Variants in KIRREL3 observed in about 807,000 individuals in gnomAD.
KIRREL3 encodes kin of IRRE-like protein 3.
In KIRREL3, 36 loss-of-function variants were observed where a neutral mutation model predicts 89.7. That is an observed-to-expected ratio of 0.40 (90% CI 0.31 to 0.53). The LOEUF is 0.53. KIRREL3 is among the 20% of genes least tolerant of loss of function. The pLI is 0.49. For missense variants in KIRREL3, 864 were observed against 1,056.6 expected (o/e 0.82, Z 2.53); for synonymous variants, 445 against 441.4 (o/e 1.01, Z -0.10).
chr11:126,648,302 G>A (rs1189439716), intron 1 of KIRREL3, among the ~76,000 whole-genome samples: 1 of 152,284 alleles, frequency 6.6e-6, no homozygotes, highest in African/African-American at 2.4e-5. Context: ...GAATGGATGA[G>A]TGCACTTGTG....
rs1030170230 is a variant in KIRREL3 at position 126,739,333 on chromosome 11, C to T, written c.56-176421G>A. On this transcript the variant is annotated intron_variant, in intron 1 of 16. Coordinates refer to ENST00000525144, the MANE Select transcript of KIRREL3 (RefSeq NM_032531.4). The surrounding 1 kb of genome is among the most constrained non-coding windows in gnomAD (Gnocchi z 5.5). ...TCTCTGCAAATTGCTTCATCCTCCT[C>T]TGCATAACACCCTTGTGTAGGAGGC... 1.3e-5 allele frequency among the ~76,000 whole-genome samples: 2 copies of T among 152,254 alleles called. No homozygotes were observed. The highest frequency in any genetic ancestry group is 4.8e-5 in the African/African-American group (2 of 41,466).
At chr11:126,842,319 C>T (rs1043253623) in intron 1 of KIRREL3, among the ~76,000 whole-genome samples, 1 of 152,154 alleles carries the variant, frequency 6.6e-6, no homozygotes, top group Non-Finnish European at 1.5e-5. Context: ...TCTATGAGCT[C>T]ATTTTAGAAT....
In KIRREL3 at chr11:126,676,815, C is replaced by T. The variant is rs1356736953; in HGVS notation, c.56-113903G>A. The stretch of plus-strand genomic sequence containing the variant: ...TTTTTTTCCTTTTGAGACAGAGTCT[C>T]CCTCTGCCATCTGGACTGGTATACA... On this transcript the variant is annotated intron_variant, in intron 1 of 16. Coordinates refer to ENST00000525144, the MANE Select transcript of KIRREL3 (RefSeq NM_032531.4). This position sits in a 1 kb window ranked among gnomAD's most constrained non-coding sequence, Gnocchi z 4.5. Among the ~76,000 whole-genome samples the T allele has an allele frequency of 6.6e-6, 1 of 151,726 alleles. No homozygotes were observed. The highest frequency in any genetic ancestry group is 2.4e-5 in the African/African-American group (1 of 41,262).
intron 1 of KIRREL3, among the ~76,000 whole-genome samples, chr11:126,816,451 G>T (rs1951576701): frequency 6.6e-6 from 1 of 152,144 alleles, no homozygotes. Context: ...CTGATGGCAG[G>T]TTTGATCTCT....
chr11:126,920,928 T>C (rs1263961014), intron 1 of KIRREL3, among the ~76,000 whole-genome samples: 1 of 152,226 alleles, frequency 6.6e-6, no homozygotes, highest in Non-Finnish European at 1.5e-5. Context: ...AGGTGTCAAC[T>C]TGACTGAATT....
chr11:126,896,824 T>C lies in KIRREL3; in HGVS notation c.55+103631A>G, dbSNP rs1946176998. On this transcript the variant is annotated intron_variant, in intron 1 of 16. Transcript: ENST00000525144. The surrounding 1 kb of genome is among the most constrained non-coding windows in gnomAD (Gnocchi z 4.1). Reference sequence around the variant, plus strand: ...TGCTCAGATCTTACCCAAGCGCGTGTTCTCCTCTTTCATAGCTTCCATTCT... The same window carrying C: ...TGCTCAGATCTTACCCAAGCGCGTGCTCTCCTCTTTCATAGCTTCCATTCT... Among the ~76,000 whole-genome samples, 1 of 152,134 alleles carries C rather than the reference T, an allele frequency of 6.6e-6. No homozygotes were observed. Among genetic ancestry groups the C allele is most frequent in the South Asian group, 2.1e-4 (1 of 4,822 alleles).
At chr11:126,599,673 C>A (rs112672591) in intron 1 of KIRREL3, among the ~76,000 whole-genome samples, 1 of 152,332 alleles carries the variant, frequency 6.6e-6, no homozygotes, top group Non-Finnish European at 1.5e-5. Flanking sequence ...TTGCTTACAG[C>A]TCTTGCATAT....
At chr11:126,919,610 G>T (rs1205282281) in intron 1 of KIRREL3, among the ~76,000 whole-genome samples, 3 of 152,208 alleles carry the variant, frequency 2.0e-5, no homozygotes, top group Non-Finnish European at 4.4e-5. Context: ...GGTTGCTTAA[G>T]CTGCAGTGGC....
intron 4 of KIRREL3, among the ~76,000 whole-genome samples, chr11:126,482,162 C>T (rs911921157): frequency 6.6e-6 from 1 of 152,220 alleles, no homozygotes; most frequent in Non-Finnish European, 1.5e-5. Context: ...CCTCAGCCTC[C>T]TGAGTAGCTG....
At chr11:126,871,319 G>A (rs1393187406) in intron 1 of KIRREL3, among the ~76,000 whole-genome samples, 2 of 152,150 alleles carry the variant, frequency 1.3e-5, no homozygotes, top group Non-Finnish European at 2.9e-5. Flanking sequence ...AATCAAGAAG[G>A]AGGCCCTCAG....
chr11:126,922,121 G>GTCTATCTATCTATCTATCTATCTA (rs60938174), intron 1 of KIRREL3, among the ~76,000 whole-genome samples: 1 of 139,964 alleles, frequency 7.1e-6, no homozygotes, highest in Non-Finnish European at 1.5e-5. Context: ...CTATCTGTCT[G>GTCTATCTATCTATCTATCTATCTA]TCTATCTATC....
chr11:126,600,320 C>A (rs1044355310), intron 1 of KIRREL3, among the ~76,000 whole-genome samples: 1 of 152,204 alleles, frequency 6.6e-6, no homozygotes, highest in East Asian at 1.9e-4. Flanking sequence ...TTGATTGCAG[C>A]CTTGGGAGAG....
chr11:126,747,923 C>T lies in KIRREL3; in HGVS notation c.56-185011G>A, dbSNP rs1949206494. Among the ~76,000 whole-genome samples the T allele has an allele frequency of 6.6e-6, 1 of 152,132 alleles. No homozygotes were observed. Among genetic ancestry groups the T allele is most frequent in the African/African-American group, 2.4e-5 (1 of 41,426 alleles). ...CAGGCGTTGCGGTCTTTCCCTATCC[C>T]ACAGGGTCTAGATGCGGCCTTCCCA... On this transcript the variant is annotated intron_variant, in intron 1 of 16. Transcript: ENST00000525144. The surrounding 1 kb of genome is among the most constrained non-coding windows in gnomAD (Gnocchi z 4.7).
chr11:126,884,105 G>A (rs1945610769), intron 1 of KIRREL3, among the ~76,000 whole-genome samples: 1 of 152,202 alleles, frequency 6.6e-6, no homozygotes, highest in South Asian at 2.1e-4. Context: ...AATTGTTCAA[G>A]TCTATTAATT....
At chr11:126,440,630 A>T in intron 10 of KIRREL3, 81 bp from the exon 11 acceptor site, 1 of 1,216,622 alleles carries the variant, frequency 8.2e-7, no homozygotes, top group African/African-American at 1.5e-5. Context: ...TCAGAAGTGT[A>T]TTCATTAATC....
At chr11:126,604,256 G>C (rs938872541) in intron 1 of KIRREL3, among the ~76,000 whole-genome samples, 1 of 152,222 alleles carries the variant, frequency 6.6e-6, no homozygotes, top group African/African-American at 2.4e-5. Flanking sequence ...GCTGACAGGG[G>C]TGAGTGTACA....
At chr11:126,465,225 C>G (rs1956682499) in intron 5 of KIRREL3, among the ~76,000 whole-genome samples, 1 of 152,210 alleles carries the variant, frequency 6.6e-6, no homozygotes, top group South Asian at 2.1e-4. Flanking sequence ...GACCACTCCT[C>G]CCTCAAAACC....
intron 1 of KIRREL3, among the ~76,000 whole-genome samples, chr11:126,875,504 A>G (rs1036043830): frequency 6.6e-6 from 1 of 152,194 alleles, no homozygotes; most frequent in Non-Finnish European, 1.5e-5. Context: ...CTCTCTCTGG[A>G]GTCGTGGCAA....
Position 126,639,793 on chromosome 11 carries a change from C to G in KIRREL3, c.56-76881G>C, listed in dbSNP as rs904403736. ...GCCACTAGGATTCTTGTGAAATAGACACAAGAAGGAGCTAAACTCATTTCA... is the reference window on the plus strand; with the variant it reads ...GCCACTAGGATTCTTGTGAAATAGAGACAAGAAGGAGCTAAACTCATTTCA... On this transcript the variant is annotated intron_variant, in intron 1 of 16. Transcript: ENST00000525144. The surrounding 1 kb of genome is among the most constrained non-coding windows in gnomAD (Gnocchi z 4.3). Among the ~76,000 whole-genome samples the G allele has an allele frequency of 2.0e-5, 3 of 152,150 alleles. No individual in the cohort carries two copies. Among genetic ancestry groups the G allele is most frequent in the Admixed American group, 2.0e-4 (3 of 15,278 alleles).
Sources: gnomAD v4.1 joint callset for allele counts (sites outside exome capture counted in the v4.1 genomes callset) on GRCh38, gnomAD v4.1.1 for gene constraint, Gnocchi (gnomAD v3.1) non-coding constraint, MANE v1.5 for transcripts, NCBI Gene and HGNC (gene_info 2026-07-23, HGNC 2026-07-21) for gene names.